Variants in RIC8B observed in about 807,000 individuals in gnomAD.
RIC8B encodes RIC8 guanine nucleotide exchange factor B, also known as chaperone Ric-8B.
A neutral mutation model predicts 57.5 loss-of-function variants in RIC8B; 16 were observed. The observed-to-expected ratio is 0.28, with a 90% CI of 0.19 to 0.42. RIC8B has a LOEUF of 0.42. Among genes scored for constraint, RIC8B ranks in the 10% least tolerant of loss-of-function variants. RIC8B has a pLI of 1.00. For synonymous variants in RIC8B, 216 were observed against 250.8 expected (o/e 0.86, Z 1.31); for missense variants, 481 against 677.0 (o/e 0.71, Z 3.21).
intron 8 of RIC8B, 84 bp from the exon 9 acceptor site, chr12:106,870,736 CTTA>C: frequency 2.7e-6 from 3 of 1,114,432 alleles, no homozygotes; most frequent in South Asian, 4.8e-5. Context: ...TATACTCTTT[CTTA>C]TTATCACTTA....
At chr12:106,799,079 G>T (rs902682369) in intron 2 of RIC8B, among the ~76,000 whole-genome samples, 4 of 152,060 alleles carry the variant, frequency 2.6e-5, no homozygotes. Context: ...CCTGTATCAG[G>T]GTGGTGTACA....
chr12:106,853,071 A>AT (rs1949546042), intron 7 of RIC8B, among the ~76,000 whole-genome samples: 1 of 152,086 alleles, frequency 6.6e-6, no homozygotes, highest in African/African-American at 2.4e-5. Context: ...AGAACTGGTG[A>AT]TTTTTTTAGT....
At chr12:106,864,765 A>G (rs1444574648) in intron 8 of RIC8B, among the ~76,000 whole-genome samples, 1 of 152,174 alleles carries the variant, frequency 6.6e-6, no homozygotes, top group Non-Finnish European at 1.5e-5. Flanking sequence ...CTGTTATGCA[A>G]CCATCACCAC....
intron 9 of RIC8B, chr12:106,874,434 T>A (rs1004575026): frequency 5.8e-6 from 8 of 1,378,244 alleles, no homozygotes; most frequent in Non-Finnish European, 8.1e-6. Context: ...TTGGAGGTGA[T>A]GTGGCCAATG....
intron 3 of RIC8B, among the ~76,000 whole-genome samples, chr12:106,817,824 CAAA>C (rs1256361414): frequency 1.1e-4 from 12 of 112,010 alleles, no homozygotes; most frequent in Admixed American, 8.5e-4. Context: ...AACACTGTCT[CAAA>C]AAAAAAAAAA....
intron 2 of RIC8B, among the ~76,000 whole-genome samples, chr12:106,803,560 G>C (rs1270126962): frequency 6.6e-6 from 1 of 152,092 alleles, no homozygotes; most frequent in Non-Finnish European, 1.5e-5. Flanking sequence ...CCTGTTTCTT[G>C]TAAATAAAAC....
At chr12:106,776,711 T>C (rs2043512613) in intron 1 of RIC8B, among the ~76,000 whole-genome samples, 1 of 152,216 alleles carries the variant, frequency 6.6e-6, no homozygotes, top group Non-Finnish European at 1.5e-5. Flanking sequence ...GCTCCCCTTT[T>C]GTATTGGGAA....
intron 9 of RIC8B, among the ~76,000 whole-genome samples, chr12:106,877,092 T>C (rs968836576): frequency 6.6e-6 from 1 of 152,124 alleles, no homozygotes; most frequent in Non-Finnish European, 1.5e-5. Flanking sequence ...AGCAGATTTT[T>C]AGAAGCTTTG....
chr12:106,797,380 G>A (rs1470507742), intron 2 of RIC8B, among the ~76,000 whole-genome samples: 1 of 152,136 alleles, frequency 6.6e-6, no homozygotes, highest in Non-Finnish European at 1.5e-5. Context: ...TATGTTACAC[G>A]AAAGATACCA....
At chr12:106,786,396 A>G (rs922405530) in intron 2 of RIC8B, among the ~76,000 whole-genome samples, 1 of 151,944 alleles carries the variant, frequency 6.6e-6, no homozygotes, top group South Asian at 2.1e-4. Flanking sequence ...TGATCTGCCC[A>G]TCTCGGCCTC....
At chr12:106,822,653 C>T (rs2045906915) in intron 3 of RIC8B, 1 of 152,220 alleles carries the variant, frequency 6.6e-6, no homozygotes, top group Non-Finnish European at 1.5e-5. Context: ...TACAATATTA[C>T]ATACAACGCC....
intron 4 of RIC8B, among the ~76,000 whole-genome samples, chr12:106,826,387 A>G (rs893701466): frequency 1.2e-4 from 18 of 152,262 alleles, no homozygotes; most frequent in African/African-American, 1.9e-4. Flanking sequence ...ACCAAAAAGT[A>G]TATATTTTGG....
intron 2 of RIC8B, among the ~76,000 whole-genome samples, chr12:106,794,249 G>A (rs1255706267): frequency 6.6e-6 from 1 of 152,014 alleles, no homozygotes; most frequent in Non-Finnish European, 1.5e-5. Flanking sequence ...CAGCAATAGA[G>A]AATATTCAAG....
intron 9 of RIC8B, among the ~76,000 whole-genome samples, chr12:106,883,301 G>A (rs749817833): frequency 1.1e-4 from 16 of 152,060 alleles, no homozygotes; most frequent in Non-Finnish European, 1.6e-4. Context: ...AATATGTAGT[G>A]TCCAACATCA....
rs941762679 is a variant in RIC8B, at chr12:106,842,545, A to G, written c.837-44A>G. ...TATTATGTTTGCATTTTAAAGGACT[A>G]TTCAATCAAGTTAAAATATTGTATT... is the stretch of plus-strand genomic sequence containing the variant. On this transcript the variant is annotated intron_variant, in intron 4 of 9. Transcript: ENST00000392837. The G allele has an allele frequency of 6.2e-6, 9 of 1,448,882 alleles. No individual in the cohort carries two copies. In the East Asian group the frequency reaches 1.6e-4, roughly 26 times the overall value. The allele number at this position is 1,448,882 out of a possible 1,614,324, so 89.8% of individuals were successfully genotyped here. A position where few individuals can be genotyped will look rare whatever the true frequency, so the allele number is the denominator to read the frequency against.
intron 2 of RIC8B, among the ~76,000 whole-genome samples, chr12:106,813,534 A>G (rs115092761): frequency 0.016 from 2,387 of 152,178 alleles, 20 homozygotes; most frequent in African/African-American, 0.029. Flanking sequence ...TGTGGATTTT[A>G]TTATCTGCAG....
At chr12:106,785,295 C>T (rs1378385013) in intron 2 of RIC8B, among the ~76,000 whole-genome samples, 1 of 152,086 alleles carries the variant, frequency 6.6e-6, no homozygotes, top group South Asian at 2.1e-4. Flanking sequence ...ACCTAGAGTG[C>T]TCTCTCCCTC....
intron 2 of RIC8B, among the ~76,000 whole-genome samples, chr12:106,809,626 CA>C (rs2045239058): frequency 6.7e-6 from 1 of 150,078 alleles, no homozygotes; most frequent in Admixed American, 6.6e-5. Context: ...AGCACATAAG[CA>C]AAAAATATTA....
chr12:106,780,802 T>C (rs1008178712), intron 1 of RIC8B, among the ~76,000 whole-genome samples: 2 of 152,228 alleles, frequency 1.3e-5, no homozygotes, highest in African/African-American at 4.8e-5. Context: ...AGCTCTCTAA[T>C]AGGTCAATAT....
Sources: gnomAD v4.1 joint callset for allele counts (sites outside exome capture counted in the v4.1 genomes callset) on GRCh38, gnomAD v4.1.1 for gene constraint, MANE v1.5 for transcripts, NCBI Gene and HGNC (gene_info 2026-07-23, HGNC 2026-07-21) for gene names.